The following FARP1 variants were observed in gnomAD, a reference collection of about 807,000 sequenced individuals.
The protein encoded by FARP1 is FERM, ARHGEF and pleckstrin domain-containing protein 1.
In FARP1, 52 loss-of-function variants were observed where a neutral mutation model predicts 128.8. That is an observed-to-expected ratio of 0.40 (90% CI 0.32 to 0.51). FARP1 has a LOEUF of 0.51. FARP1 is among the 20% of genes least tolerant of loss of function. The pLI is 0.45. For missense variants in FARP1, 1,333 were observed against 1,367.9 expected (o/e 0.97, Z 0.40); for synonymous variants, 580 against 551.8 (o/e 1.05, Z -0.72).
intron 5 of FARP1, among the ~76,000 whole-genome samples, chr13:98,370,180 G>A (rs1393385232): frequency 6.6e-6 from 1 of 152,232 alleles, no homozygotes; most frequent in African/African-American, 2.4e-5. Flanking sequence ...GGAACCATCA[G>A]TCATTTACTG....
intron 2 of FARP1, chr13:98,244,968 C>T: frequency 8.0e-7 from 1 of 1,254,834 alleles, no homozygotes; most frequent in Non-Finnish European, 1.0e-6. Flanking sequence ...TACAGCTTTT[C>T]TGCTGTGGGT....
rs71111939 is a variant in FARP1 at position 98,287,208 on chromosome 13, C to CTTTTTTTTTTTTTTTTTTTTTTTTTTTT, written c.172-56541_172-56514dup. On this transcript the variant is annotated intron_variant, in intron 2 of 26. Transcript: ENST00000319562. Reference sequence around the variant, plus strand: ...TTTCCAAATTAACCATCAGACATGTCTTTTTTTTTTTTTTTTTTTTTTTTT... The same window carrying CTTTTTTTTTTTTTTTTTTTTTTTTTTTT: ...TTTCCAAATTAACCATCAGACATGTCTTTTTTTTTTTTTTTTTTTTTTTTTTTTTTTTTTTTTTTTTTTTTTTTTTTTT... Among the ~76,000 whole-genome samples the CTTTTTTTTTTTTTTTTTTTTTTTTTTTT allele has an allele frequency of 4.0e-5, 3 of 75,814 alleles. 1 individual carries two copies. The highest frequency in any genetic ancestry group is 7.1e-5 in the Non-Finnish European group (3 of 42,106). The allele number at this position is 75,814 out of a possible 152,430, so 49.7% of individuals were successfully genotyped here. A position where few individuals can be genotyped will look rare whatever the true frequency, so the allele number is the denominator to read the frequency against.
intron 2 of FARP1, among the ~76,000 whole-genome samples, chr13:98,222,305 A>G (rs1383164756): frequency 6.6e-6 from 1 of 152,228 alleles, no homozygotes; most frequent in Non-Finnish European, 1.5e-5. Flanking sequence ...GAAAATGAAT[A>G]AAAACAATAA....
At chr13:98,405,967 C>T (rs1890955799) in intron 13 of FARP1, 2 of 152,202 alleles carry the variant, frequency 1.3e-5, no homozygotes, top group Admixed American at 1.3e-4. Flanking sequence ...TCAAACCGGG[C>T]TCATTTTACC....
chr13:98,366,388 T>A (rs1023121256), intron 4 of FARP1, among the ~76,000 whole-genome samples: 3 of 152,182 alleles, frequency 2.0e-5, no homozygotes, highest in Non-Finnish European at 4.4e-5. Flanking sequence ...TGGCCATCAT[T>A]TAATATTTGC....
rs1322179630 is a variant in FARP1, at chr13:98,337,083, T to G, written c.172-6679T>G. 6.6e-5 allele frequency among the ~76,000 whole-genome samples: 10 copies of G among 152,290 alleles called. No individual in the cohort carries two copies. The East Asian group carries it at 1.9e-3, about 29-fold the overall frequency. On this transcript the variant is annotated intron_variant, in intron 2 of 26. Coordinates refer to ENST00000319562, the MANE Select transcript of FARP1 (RefSeq NM_005766.4). ...CTTGAGGACATCATAAACATTCATTTGGGCCAGGTGCACTGGCTGACACCT... is the reference window on the plus strand; with the variant it reads ...CTTGAGGACATCATAAACATTCATTGGGGCCAGGTGCACTGGCTGACACCT...
intron 1 of FARP1, among the ~76,000 whole-genome samples, chr13:98,168,267 A>G (rs1466839909): frequency 6.6e-6 from 1 of 152,226 alleles, no homozygotes; most frequent in Non-Finnish European, 1.5e-5. Context: ...CTGCATCATA[A>G]GCTTTGTGGC....
At chr13:98,154,825 C>T (rs1347712172) in intron 1 of FARP1, among the ~76,000 whole-genome samples, 2 of 152,174 alleles carry the variant, frequency 1.3e-5, no homozygotes, top group South Asian at 2.1e-4. Context: ...CTTGAAACAA[C>T]GGTAAACATT....
intron 3 of FARP1, among the ~76,000 whole-genome samples, chr13:98,349,647 GCGA>G (rs1274139179): frequency 7.6e-6 from 1 of 131,992 alleles, no homozygotes; most frequent in Admixed American, 8.9e-5. Context: ...CTCAAGCTTG[GCGA>G]CAGAGCAAGA....
In FARP1 at chr13:98,439,087, C is replaced by T; in HGVS notation, c.2344-20C>T. Reference sequence around the variant, plus strand: ...CTGTCCAAACGTGGTCTCACCTCCACACACTTCTGATTCCTCCAGTTCAAC... The same window carrying T: ...CTGTCCAAACGTGGTCTCACCTCCATACACTTCTGATTCCTCCAGTTCAAC... On this transcript the variant is annotated intron_variant, in intron 20 of 26. Transcript: ENST00000319562. The T allele has an allele frequency of 6.2e-7, 1 of 1,604,010 alleles. No homozygotes were observed. Among genetic ancestry groups the T allele is most frequent in the Non-Finnish European group, 8.5e-7 (1 of 1,172,156 alleles).
intron 1 of FARP1, among the ~76,000 whole-genome samples, chr13:98,195,884 G>C (rs375641749): frequency 7.9e-5 from 12 of 151,966 alleles, no homozygotes; most frequent in African/African-American, 2.9e-4. Flanking sequence ...AAATTCGCTG[G>C]GCGTGGTGGT....
intron 2 of FARP1, among the ~76,000 whole-genome samples, chr13:98,247,946 A>C (rs1353703048): frequency 6.6e-6 from 1 of 152,206 alleles, no homozygotes; most frequent in Non-Finnish European, 1.5e-5. Flanking sequence ...GATAAGAATA[A>C]ACCAGTTCTC....
At chr13:98,143,993 CAA>C (rs930059224) in intron 1 of FARP1, among the ~76,000 whole-genome samples, 4 of 152,126 alleles carry the variant, frequency 2.6e-5, no homozygotes, top group Non-Finnish European at 4.4e-5. Flanking sequence ...CGGCGGGTGA[CAA>C]AGAGGAACAC....
chr13:98,253,513 A>G (rs1033175863), intron 2 of FARP1, among the ~76,000 whole-genome samples: 2 of 152,170 alleles, frequency 1.3e-5, no homozygotes, highest in African/African-American at 4.8e-5. Context: ...GCCACTTTTA[A>G]ACTATGGCCT....
intron 2 of FARP1, among the ~76,000 whole-genome samples, chr13:98,235,836 T>C (rs1439690042): frequency 2.7e-5 from 4 of 150,284 alleles, no homozygotes; most frequent in East Asian, 2.0e-4. Flanking sequence ...TTTTTTTTTT[T>C]CCCTGAGACA....
In FARP1 at chr13:98,188,574, A is replaced by AT. The variant is rs537085110; in HGVS notation, c.-23-24646_-23-24645insT. The stretch of plus-strand genomic sequence containing the variant: ...AGACTCCGTCTCAAAAGAAAAAAAA[A>AT]GGAGAAAGAAGTTTTCTAGCTAGAA... On this transcript the variant is annotated intron_variant, in intron 1 of 26. Transcript: ENST00000319562. Among the ~76,000 whole-genome samples, 1,270 of 152,118 alleles carry AT rather than the reference A, an allele frequency of 8.3e-3. 9 individuals carry two copies. The highest frequency in any genetic ancestry group is 0.014 in the Non-Finnish European group (945 of 67,972).
Position 98,176,331 on chromosome 13 carries a change from G to C in FARP1, c.-24+32839G>C, listed in dbSNP as rs1386288726. ...GTTTCGCCATCAGTTCTTTGGCGGG[G>C]TTAAAGATGCCGCCGGTTGGCTGGT... On this transcript the variant is annotated intron_variant, in intron 1 of 26. Transcript: ENST00000319562. The surrounding 1 kb of genome is among the most constrained non-coding windows in gnomAD (Gnocchi z 6.2). 1 of 1,613,866 alleles carries C rather than the reference G, an allele frequency of 6.2e-7. No individual in the cohort carries two copies. The highest frequency in any genetic ancestry group is 8.5e-7 in the Non-Finnish European group (1 of 1,179,840).
chr13:98,364,971 C>A (rs1406163766), intron 3 of FARP1, among the ~76,000 whole-genome samples: 1 of 152,186 alleles, frequency 6.6e-6, no homozygotes, highest in Non-Finnish European at 1.5e-5. Flanking sequence ...AATATTCATT[C>A]CCTTTCCGCA....
intron 2 of FARP1, among the ~76,000 whole-genome samples, chr13:98,260,256 T>G (rs1379030892): frequency 6.6e-6 from 1 of 152,174 alleles, no homozygotes; most frequent in Non-Finnish European, 1.5e-5. Flanking sequence ...TGTGTTGAGT[T>G]TTGTTGTATT....
Sources: gnomAD v4.1 joint callset for allele counts (sites outside exome capture counted in the v4.1 genomes callset) on GRCh38, gnomAD v4.1.1 for gene constraint, Gnocchi (gnomAD v3.1) non-coding constraint, MANE v1.5 for transcripts, NCBI Gene and HGNC (gene_info 2026-07-23, HGNC 2026-07-21) for gene names.